Variants in CA4 observed in about 807,000 individuals in gnomAD.
The protein encoded by CA4 is carbonic anhydrase 4.
Under a neutral mutation model 34.5 loss-of-function variants are expected in CA4, and 24 were observed. That is an observed-to-expected ratio of 0.70 (90% CI 0.50 to 0.98). The LOEUF (loss-of-function observed/expected upper bound fraction) is 0.98. Ranked by LOEUF, CA4 falls within the 50% of genes least tolerant of loss-of-function variation. CA4 has a pLI of 0.00. For missense variants in CA4, 394 were observed against 396.7 expected (o/e 0.99, Z 0.06); for synonymous variants, 178 against 170.6 (o/e 1.04, Z -0.34).
intron 1 of CA4, among the ~76,000 whole-genome samples, chr17:60,150,396 G>A (rs2145247201): frequency 6.6e-6 from 1 of 152,276 alleles, no homozygotes; most frequent in East Asian, 1.9e-4. Context: ...TCTCAGGCCG[G>A]GCGCGGGTGC....
intron 5 of CA4, among the ~76,000 whole-genome samples, chr17:60,167,709 C>T (rs183425305): frequency 1.3e-5 from 2 of 152,330 alleles, no homozygotes; most frequent in Admixed American, 1.3e-4. Flanking sequence ...ACAGCTTGAA[C>T]AGCGGTTTCC....
At chr17:60,162,564 C>CAG (rs1017773810), downstream of CA4, among the ~76,000 whole-genome samples, 3 of 151,818 alleles carry the variant, frequency 2.0e-5, no homozygotes, top group African/African-American at 4.8e-5. Context: ...CACACACACA[C>CAG]ACACACACAC....
intron 5 of CA4, among the ~76,000 whole-genome samples, chr17:60,169,781 C>T (rs2083896526): frequency 6.6e-6 from 1 of 152,192 alleles, no homozygotes; most frequent in South Asian, 2.1e-4. Flanking sequence ...GAGCCACTGC[C>T]CCCGGCCAAT....
At position 60,157,583 on chromosome 17, in the gene CA4, C is replaced by T. The variant is rs751244178; in HGVS notation, c.414+11C>T. 1.2e-6 allele frequency: 2 copies of T among 1,614,202 alleles called. No individual in the cohort carries two copies. The highest frequency in any genetic ancestry group is 1.7e-5 in the Admixed American group (1 of 60,032). The stretch of plus-strand genomic sequence containing the variant: ...CACTTTGCCATGGAGGTGAGGGCCC[C>T]TTCCCGACTGGGACCTTGTCTGGGC... On this transcript the variant is annotated intron_variant, in intron 4 of 7. Coordinates refer to ENST00000300900, the MANE Select transcript of CA4 (RefSeq NM_000717.5).
chr17:60,155,589 A>C (rs1186103622), intron 2 of CA4, among the ~76,000 whole-genome samples: 1 of 150,420 alleles, frequency 6.6e-6, no homozygotes, highest in Non-Finnish European at 1.5e-5. Context: ...ACACAGAAAC[A>C]CACACACAAC....
rs61368787 is a variant in CA4, at chr17:60,154,307, T to C, written c.59-1007T>C. ...GGATTTTACTAAGTGCCAAGCCGCC[T>C]GAAACCTCATTTAATCCTCCCCAAG... On this transcript the variant is annotated intron_variant, in intron 1 of 7. Coordinates refer to ENST00000300900, the MANE Select transcript of CA4 (RefSeq NM_000717.5). Among the ~76,000 whole-genome samples, 537 of 152,188 alleles carry C rather than the reference T, an allele frequency of 3.5e-3. 2 individuals carry two copies. The highest frequency in any genetic ancestry group is 0.011 in the African/African-American group (467 of 41,516).
chr17:60,164,452 C>T (rs772927485), downstream of CA4, among the ~76,000 whole-genome samples: 8 of 151,720 alleles, frequency 5.3e-5, no homozygotes, highest in Admixed American at 3.9e-4. Flanking sequence ...TGCAGTGGCA[C>T]GTTTTCGGCT....
chr17:60,159,178 A>G, intron 7 of CA4, 52 bp from the exon 8 acceptor site: 1 of 1,510,198 alleles, frequency 6.6e-7, no homozygotes, highest in Non-Finnish European at 9.0e-7. Flanking sequence ...GTCACACGGC[A>G]GGGAGTGCAG....
At chr17:60,178,404 G>A in the CA4 span, among the ~76,000 whole-genome samples, 3 of 152,168 alleles carry the variant, frequency 2.0e-5, no homozygotes, top group African/African-American at 7.2e-5. Context: ...GCAAATATTG[G>A]CAACTGCTCC....
intron 5 of CA4, among the ~76,000 whole-genome samples, chr17:60,166,030 C>A (rs1360471641): frequency 6.6e-6 from 1 of 152,162 alleles, no homozygotes; most frequent in Non-Finnish European, 1.5e-5. Context: ...AAGAGACTGA[C>A]AGCCCAGGCC....
chr17:60,172,554 G>C (rs182625140), downstream of CA4, among the ~76,000 whole-genome samples: 1 of 152,290 alleles, frequency 6.6e-6, no homozygotes, highest in African/African-American at 2.4e-5. Context: ...GTCTAAAATA[G>C]ATACATATGT....
downstream of CA4, among the ~76,000 whole-genome samples, chr17:60,175,147 G>A (rs917433592): frequency 1.3e-5 from 2 of 149,086 alleles, no homozygotes; most frequent in African/African-American, 5.0e-5. Flanking sequence ...AGCCTCCCGA[G>A]TAGCTGGGAT....
chr17:60,171,598 C>A (rs2083911031), downstream of CA4, among the ~76,000 whole-genome samples: 1 of 152,188 alleles, frequency 6.6e-6, no homozygotes, highest in Non-Finnish European at 1.5e-5. Flanking sequence ...CTCCTCAGAC[C>A]CTACTGGAGC....
intron 2 of CA4, 144 bp from the exon 3 acceptor site, chr17:60,156,416 G>C: frequency 1.2e-6 from 1 of 814,646 alleles, no homozygotes; most frequent in Non-Finnish European, 2.2e-6. Flanking sequence ...TCGGAGCTGA[G>C]CATCCCTGCA....
downstream of CA4, among the ~76,000 whole-genome samples, chr17:60,164,216 T>TTC (rs746143770): frequency 1.4e-5 from 2 of 145,810 alleles, no homozygotes; most frequent in Non-Finnish European, 3.0e-5. Flanking sequence ...CTTTTTTTCT[T>TTC]TCTTTCTCTT....
intron 5 of CA4, 124 bp from the exon 6 acceptor site, chr17:60,157,937 G>A (rs565854106): frequency 8.4e-6 from 13 of 1,555,340 alleles, no homozygotes; most frequent in Middle Eastern, 1.7e-4. Context: ...CCCGGGCCAG[G>A]TGGGGAGCCC....
At chr17:60,168,170 C>T (rs994769309) in intron 5 of CA4, among the ~76,000 whole-genome samples, 5 of 134,454 alleles carry the variant, frequency 3.7e-5, no homozygotes, top group Admixed American at 8.9e-5. Flanking sequence ...GAATGGAAGC[C>T]GCATGTGGAA....
At chr17:60,158,888 G>C (rs922161553) in intron 7 of CA4, 3 of 434,444 alleles carry the variant, frequency 6.9e-6, no homozygotes, top group African/African-American at 6.0e-5. Context: ...GTGGAGCCCA[G>C]GCATCTGGGG....
chr17:60,165,995 C>A (rs995406377), intron 5 of CA4, among the ~76,000 whole-genome samples: 1 of 152,146 alleles, frequency 6.6e-6, no homozygotes, highest in African/African-American at 2.4e-5. Flanking sequence ...AAGACTGAAG[C>A]CAAGAGAGAA....
Sources: allele counts gnomAD v4.1 joint callset (sites outside exome capture counted in the v4.1 genomes callset), GRCh38; gene constraint gnomAD v4.1.1; transcripts MANE v1.5; gene names NCBI Gene and HGNC (gene_info 2026-07-23, HGNC 2026-07-21).